CLYBL: variants seen among roughly 807,000 people sequenced by gnomAD.
CLYBL encodes the protein citramalyl-CoA lyase.
In CLYBL, 31 loss-of-function variants were observed where a neutral mutation model predicts 38.9. That is an observed-to-expected ratio of 0.80 (90% confidence interval 0.60 to 1.08). The LOEUF (loss-of-function observed/expected upper bound fraction) is 1.08, where lower values mean the gene tolerates loss of function less well. Among genes scored for constraint, CLYBL ranks in the 50% least tolerant of loss-of-function variants. CLYBL has a pLI of 0.00. For missense variants in CLYBL, 434 were observed against 411.6 expected, an observed-to-expected ratio of 1.05 and a Z score of -0.47; for synonymous variants, 171 against 158.6, an observed-to-expected ratio of 1.08 and a Z score of -0.59.
chr13:99,785,145 G>C (rs1306261325), intron 2 of CLYBL, among the ~76,000 whole-genome samples: 1 of 140,634 alleles, frequency 7.1e-6, no homozygotes, highest in Non-Finnish European at 1.5e-5. Context: ...CACCCACGTT[G>C]GCCTCCCAAA....
At chr13:99,718,837 C>T (rs1215422087) in intron 1 of CLYBL, among the ~76,000 whole-genome samples, 2 of 151,872 alleles carry the variant, frequency 1.3e-5, no homozygotes, top group African/African-American at 4.8e-5. Context: ...TCAGCAATAC[C>T]TGTTGAGAAT....
At chr13:99,707,618 TAAAAC>T (rs972932011) in intron 1 of CLYBL, among the ~76,000 whole-genome samples, 48 of 152,296 alleles carry the variant, frequency 3.2e-4, no homozygotes, top group African/African-American at 1.2e-3. Context: ...TGTTTTATAA[TAAAAC>T]ACATTAAAAA....
intron 1 of CLYBL, among the ~76,000 whole-genome samples, chr13:99,732,169 GT>G (rs35027014): frequency 0.26 from 23,252 of 90,004 alleles, 898 homozygotes; most frequent in Middle Eastern, 0.36. Context: ...TTATATGGCA[GT>G]TTTTTTTTTT....
intron 2 of CLYBL, among the ~76,000 whole-genome samples, chr13:99,857,205 C>G (rs2051480027): frequency 6.6e-6 from 1 of 151,924 alleles, no homozygotes; most frequent in South Asian, 2.1e-4. Context: ...GTCCTAGCTA[C>G]TCAGGGGGCT....
At chr13:99,747,666 A>G (rs1363444378) in intron 1 of CLYBL, among the ~76,000 whole-genome samples, 1 of 152,178 alleles carries the variant, frequency 6.6e-6, no homozygotes, top group Non-Finnish European at 1.5e-5. Flanking sequence ...TCGCTGACAT[A>G]AGCCATGCAC....
intron 2 of CLYBL, among the ~76,000 whole-genome samples, chr13:99,854,697 C>G (rs1201091600): frequency 6.6e-6 from 1 of 152,032 alleles, no homozygotes; most frequent in Admixed American, 6.6e-5. Flanking sequence ...TAATGGGTGC[C>G]AATTGAACCA....
intron 1 of CLYBL, among the ~76,000 whole-genome samples, chr13:99,765,110 G>A (rs1390766938): frequency 6.7e-6 from 1 of 149,704 alleles, no homozygotes; most frequent in East Asian, 2.0e-4. Context: ...AATATTTAGT[G>A]TTTCTTGTAA....
At chr13:99,728,264 A>G in intron 1 of CLYBL, among the ~76,000 whole-genome samples, 1 of 146,358 alleles carries the variant, frequency 6.8e-6, no homozygotes. Context: ...TAATATACAT[A>G]TGTTTCTTTT....
chr13:99,667,354 C>T (rs998053882), intron 1 of CLYBL, among the ~76,000 whole-genome samples: 4 of 151,652 alleles, frequency 2.6e-5, no homozygotes, highest in Admixed American at 6.6e-5. Flanking sequence ...GCAACAGCCA[C>T]GGTTTCCCCC....
At chr13:99,730,881 G>C (rs1362122216) in intron 1 of CLYBL, among the ~76,000 whole-genome samples, 1 of 152,026 alleles carries the variant, frequency 6.6e-6, no homozygotes, top group South Asian at 2.1e-4. Flanking sequence ...TCAGGAGTTT[G>C]AGACCAGCCT....
At chr13:99,711,961 C>T (rs565213172) in intron 1 of CLYBL, among the ~76,000 whole-genome samples, 3 of 151,986 alleles carry the variant, frequency 2.0e-5, no homozygotes, top group Non-Finnish European at 4.4e-5. Flanking sequence ...GTGATCCACC[C>T]GCCTTGGCCT....
intron 1 of CLYBL, among the ~76,000 whole-genome samples, chr13:99,677,266 A>G (rs1276832988): frequency 1.3e-5 from 2 of 152,046 alleles, no homozygotes; most frequent in Non-Finnish European, 2.9e-5. Context: ...ATCCAAGTAG[A>G]TTTTCTTATA....
chr13:99,863,124 G>T, intron 4 of CLYBL, 32 bp downstream of exon 4: 5 of 1,184,858 alleles, frequency 4.2e-6, no homozygotes, highest in Non-Finnish European at 4.8e-6. Context: ...TAATAAGTTA[G>T]CATTTTATTT....
chr13:99,718,114 A>G (rs554063544), intron 1 of CLYBL, among the ~76,000 whole-genome samples: 1 of 152,166 alleles, frequency 6.6e-6, no homozygotes, highest in East Asian at 1.9e-4. Context: ...CCTGGGCTCA[A>G]GTGATCCTCC....
intron 1 of CLYBL, among the ~76,000 whole-genome samples, chr13:99,744,208 G>A (rs909374528): frequency 9.2e-5 from 14 of 152,048 alleles, no homozygotes; most frequent in South Asian, 2.1e-4. Flanking sequence ...TCCTGACCTC[G>A]TGATCCACCT....
In CLYBL at chr13:99,709,455, T is replaced by C. The variant is rs372143907; in HGVS notation, c.63-63369T>C. Among the ~76,000 whole-genome samples the C allele has an allele frequency of 6.6e-5, 10 of 152,320 alleles. No individual in the cohort carries two copies. The East Asian group carries it at 1.5e-3, about 23-fold the overall frequency. ...TGACCCGAGAACCTGCCTTTGTCCATGTCCTGGCCAATGGGAGATACATTT... is the reference window on the plus strand; with the variant it reads ...TGACCCGAGAACCTGCCTTTGTCCACGTCCTGGCCAATGGGAGATACATTT... On this transcript the variant is annotated intron_variant, in intron 1 of 8. Transcript: ENST00000339105.
intron 1 of CLYBL, among the ~76,000 whole-genome samples, chr13:99,630,115 G>C (rs924139961): frequency 1.3e-5 from 2 of 152,126 alleles, no homozygotes; most frequent in African/African-American, 4.8e-5. Context: ...GCTGGAAGTG[G>C]ATTTTTCTCA....
At chr13:99,719,631 C>T (rs1349880181) in intron 1 of CLYBL, among the ~76,000 whole-genome samples, 1 of 152,026 alleles carries the variant, frequency 6.6e-6, no homozygotes, top group Non-Finnish European at 1.5e-5. Context: ...CTCAGCCTCC[C>T]TAGTAGCTTG....
At chr13:99,631,102 A>G (rs1544189) in intron 1 of CLYBL, among the ~76,000 whole-genome samples, 93,389 of 151,992 alleles carry the variant, frequency 0.61, 28,991 homozygotes, top group East Asian at 0.89. Flanking sequence ...CAGGTGGGTT[A>G]CTTGAGCTCA....
Sources: allele counts gnomAD v4.1 joint callset (sites outside exome capture counted in the v4.1 genomes callset), GRCh38; gene constraint gnomAD v4.1.1; transcripts MANE v1.5; gene names NCBI Gene and HGNC (gene_info 2026-07-23, HGNC 2026-07-21).